Variants in COG5 observed in about 807,000 individuals in gnomAD.
COG5 encodes the protein component of oligomeric golgi complex 5.
A neutral mutation model predicts 110.4 loss-of-function variants in COG5; 86 were observed. The ratio of observed to expected loss-of-function variants is 0.78; its 90% CI spans 0.65 to 0.93. The LOEUF is 0.93. COG5 is among the 40% of genes least tolerant of loss of function. COG5 has a pLI of 0.00. For missense variants in COG5, 1,077 were observed against 987.0 expected (o/e 1.09, Z -1.22); for synonymous variants, 360 against 334.6 (o/e 1.08, Z -0.83).
chr7:107,544,206 C>A (rs942438483), intron 5 of COG5, among the ~76,000 whole-genome samples: 5 of 152,084 alleles, frequency 3.3e-5, no homozygotes, highest in African/African-American at 1.2e-4. Context: ...CTCACAGACT[C>A]CAGGCCCACC....
At chr7:107,327,492 T>C (rs970891477) in intron 10 of COG5, among the ~76,000 whole-genome samples, 15 of 152,046 alleles carry the variant, frequency 9.9e-5, no homozygotes, top group African/African-American at 3.4e-4. Flanking sequence ...AAACAATCAA[T>C]AGAGTAAAAA....
chr7:107,217,076 C>T (rs1320734122), intron 19 of COG5, among the ~76,000 whole-genome samples: 1 of 151,850 alleles, frequency 6.6e-6, no homozygotes, highest in Non-Finnish European at 1.5e-5. Flanking sequence ...GGATAATGAG[C>T]GATTACTATG....
intron 19 of COG5, among the ~76,000 whole-genome samples, chr7:107,217,051 C>T (rs1317623104): frequency 6.6e-6 from 1 of 151,980 alleles, no homozygotes; most frequent in East Asian, 1.9e-4. Context: ...ACAACTGGTA[C>T]CACTGAAATA....
chr7:107,260,753 G>A (rs552853827), intron 14 of COG5, among the ~76,000 whole-genome samples: 5 of 152,050 alleles, frequency 3.3e-5, no homozygotes, highest in South Asian at 4.2e-4. Flanking sequence ...AAAATGAAAC[G>A]TCATCATGCC....
intron 10 of COG5, among the ~76,000 whole-genome samples, chr7:107,342,259 CAT>C (rs113237811): frequency 1.4e-5 from 2 of 147,938 alleles, no homozygotes; most frequent in African/African-American, 2.5e-5. Context: ...AGCCAACAAA[CAT>C]ATGAAAAAAT....
chr7:107,210,438 C>G, intron 21 of COG5, 88 bp downstream of exon 21: 1 of 1,538,692 alleles, frequency 6.5e-7, no homozygotes, highest in African/African-American at 1.4e-5. Context: ...GTCCATGCCC[C>G]CAGGCACTGC....
intron 5 of COG5, among the ~76,000 whole-genome samples, chr7:107,539,054 G>A (rs1801791326): frequency 6.6e-6 from 1 of 152,080 alleles, no homozygotes; most frequent in East Asian, 1.9e-4. Flanking sequence ...GAGGAAGATG[G>A]ATCACTTGAG....
chr7:107,515,815 A>C (rs1453120482), intron 6 of COG5, among the ~76,000 whole-genome samples: 1 of 152,248 alleles, frequency 6.6e-6, no homozygotes, highest in South Asian at 2.1e-4. Context: ...AAATATCTAT[A>C]AACAATTATT....
At chr7:107,284,449 C>A (rs1209648050) in intron 12 of COG5, among the ~76,000 whole-genome samples, 2 of 152,230 alleles carry the variant, frequency 1.3e-5, no homozygotes, top group African/African-American at 2.4e-5. Flanking sequence ...TTGGCCCTTT[C>A]CATCCATAGC....
intron 21 of COG5, among the ~76,000 whole-genome samples, chr7:107,206,331 T>C (rs560016519): frequency 7.2e-5 from 11 of 152,336 alleles, no homozygotes; most frequent in African/African-American, 2.6e-4. Context: ...CCAGCTAACA[T>C]ACCACTCTCA....
intron 10 of COG5, among the ~76,000 whole-genome samples, chr7:107,352,425 G>A (rs1044087646): frequency 4.0e-5 from 6 of 148,406 alleles, no homozygotes; most frequent in East Asian, 2.0e-4. Flanking sequence ...AAACCTGCAC[G>A]TTGTGTACAT....
At position 107,453,695 on chromosome 7, in the gene COG5, C is replaced by A. The variant is rs573911518; in HGVS notation, c.539-41063G>T. Among the ~76,000 whole-genome samples the A allele has an allele frequency of 2.0e-5, 3 of 152,148 alleles. No individual in the cohort carries two copies. In the East Asian group the frequency reaches 5.8e-4, roughly 29 times the overall value. On this transcript the variant is annotated intron_variant, in intron 6 of 21. Transcript: ENST00000297135. ...AAATATCTTCATTACATCACATGTTCAAAAAGAGAGCACAATATGGCACAG... is the reference window on the plus strand; with the variant it reads ...AAATATCTTCATTACATCACATGTTAAAAAAGAGAGCACAATATGGCACAG...
At chr7:107,258,979 A>T (rs1234976449) in intron 14 of COG5, among the ~76,000 whole-genome samples, 2 of 151,936 alleles carry the variant, frequency 1.3e-5, no homozygotes, top group African/African-American at 2.4e-5. Context: ...TTTATAGATT[A>T]AAAAAAAGCC....
At chr7:107,370,817 T>TATATAC (rs930577807) in intron 8 of COG5, among the ~76,000 whole-genome samples, 33 of 148,716 alleles carry the variant, frequency 2.2e-4, no homozygotes, top group Non-Finnish European at 3.4e-4. Context: ...TATATATATA[T>TATATAC]ACACACACAA....
At chr7:107,542,065 A>G (rs1330659537) in intron 5 of COG5, among the ~76,000 whole-genome samples, 2 of 152,206 alleles carry the variant, frequency 1.3e-5, no homozygotes, top group Admixed American at 1.3e-4. Flanking sequence ...GAGGCAAAAC[A>G]ATACGTGCTT....
At chr7:107,267,202 CT>C (rs1016031562) in intron 14 of COG5, among the ~76,000 whole-genome samples, 1 of 152,168 alleles carries the variant, frequency 6.6e-6, no homozygotes, top group Non-Finnish European at 1.5e-5. Flanking sequence ...CACAAAGCCC[CT>C]TTCTCAACCT....
rs1330832038 is a variant in COG5 at position 107,215,690 on chromosome 7, C to G, written c.2169-4465G>C. Among the ~76,000 whole-genome samples the G allele has an allele frequency of 2.0e-5, 3 of 150,868 alleles. 1 individual carries two copies. The highest frequency in any genetic ancestry group is 6.8e-3 in the Middle Eastern group (2 of 294). On this transcript the variant is annotated intron_variant, in intron 19 of 21. Transcript: ENST00000297135. ...AAACAAACAAACAAACAAACAAACC[C>G]AGCTATGTGCTGCCTACAAAAGAGT...
At chr7:107,465,640 A>G (rs1796249913) in intron 6 of COG5, among the ~76,000 whole-genome samples, 1 of 152,188 alleles carries the variant, frequency 6.6e-6, no homozygotes, top group Non-Finnish European at 1.5e-5. Flanking sequence ...ACACTGCTGA[A>G]TATACCTGGC....
chr7:107,460,006 A>G (rs1795892104), intron 6 of COG5, among the ~76,000 whole-genome samples: 1 of 152,212 alleles, frequency 6.6e-6, no homozygotes, highest in Non-Finnish European at 1.5e-5. Context: ...AACAAATTTA[A>G]AAGAACAGAA....
Sources: gnomAD v4.1 joint callset for allele counts (sites outside exome capture counted in the v4.1 genomes callset) on GRCh38, gnomAD v4.1.1 for gene constraint, MANE v1.5 for transcripts, NCBI Gene and HGNC (gene_info 2026-07-23, HGNC 2026-07-21) for gene names.